The following LRP1B variants were observed in gnomAD, a reference collection of about 807,000 sequenced individuals.
LRP1B encodes the protein low-density lipoprotein receptor-related protein 1B.
Under a neutral mutation model 556.6 loss-of-function variants are expected in LRP1B, and 217 were observed. The observed-to-expected ratio is 0.39, with a 90% CI of 0.35 to 0.44. The LOEUF (loss-of-function observed/expected upper bound fraction) is 0.44. Ranked by LOEUF, LRP1B falls within the 20% of genes least tolerant of loss-of-function variation. LRP1B has a pLI of 1.00. For synonymous variants in LRP1B, 2,047 were observed against 1,865.8 expected (o/e 1.10, Z -2.50); for missense variants, 5,053 against 5,620.8 (o/e 0.90, Z 3.23).
chr2:140,257,673 A>G (rs1460470229), intron 86 of LRP1B, among the ~76,000 whole-genome samples: 2 of 152,278 alleles, frequency 1.3e-5, no homozygotes, highest in Non-Finnish European at 2.9e-5. Flanking sequence ...TTTTTCTCGG[A>G]CTTTACTGCT....
At chr2:140,858,698 T>C (rs543958815) in intron 27 of LRP1B, among the ~76,000 whole-genome samples, 1 of 152,186 alleles carries the variant, frequency 6.6e-6, no homozygotes, top group Non-Finnish European at 1.5e-5. Context: ...TTAAACCTAG[T>C]ATCCATTAGC....
intron 15 of LRP1B, among the ~76,000 whole-genome samples, chr2:141,004,683 A>T (rs996376529): frequency 6.6e-6 from 1 of 152,064 alleles, no homozygotes; most frequent in African/African-American, 2.4e-5. Flanking sequence ...ACAATTCAAG[A>T]TTAAACCTTT....
chr2:140,923,352 G>C (rs1390669628), intron 20 of LRP1B, among the ~76,000 whole-genome samples: 2 of 151,862 alleles, frequency 1.3e-5, no homozygotes, highest in African/African-American at 4.8e-5. Flanking sequence ...AACATTAATA[G>C]TCCGATAAAA....
chr2:141,517,605 T>C (rs1431177861), intron 2 of LRP1B, among the ~76,000 whole-genome samples: 1 of 152,182 alleles, frequency 6.6e-6, no homozygotes, highest in African/African-American at 2.4e-5. Flanking sequence ...TCTTTAACAT[T>C]AGGCAAAATG....
intron 31 of LRP1B, among the ~76,000 whole-genome samples, chr2:140,821,806 G>A (rs192991690): frequency 9.2e-5 from 14 of 152,090 alleles, no homozygotes; most frequent in Non-Finnish European, 1.5e-4. Context: ...AGGCTGAGGC[G>A]GGTAGATCAC....
At chr2:141,396,586 C>T (rs951276176) in intron 3 of LRP1B, among the ~76,000 whole-genome samples, 18 of 151,816 alleles carry the variant, frequency 1.2e-4, no homozygotes, top group East Asian at 1.9e-4. Flanking sequence ...TATGCCCTGA[C>T]GTTCTGACAC....
At chr2:141,111,721 C>CCT (rs1700755894) in intron 7 of LRP1B, among the ~76,000 whole-genome samples, 2 of 152,104 alleles carry the variant, frequency 1.3e-5, no homozygotes, top group South Asian at 4.2e-4. Context: ...TCTCAAGACC[C>CCT]CTCTCTTTGC....
rs1379167151 is a variant in LRP1B, at chr2:141,823,971, C to T, written c.83-13570G>A. 4.6e-5 allele frequency among the ~76,000 whole-genome samples: 7 copies of T among 151,890 alleles called. 1 individual carries two copies. The East Asian group carries it at 1.4e-3, about 29-fold the overall frequency. The stretch of plus-strand genomic sequence containing the variant: ...TTACAGGTGTGAGCCACTGAGCTGG[C>T]CTGGACTAAATTTAAATTTAAACTT... On this transcript the variant is annotated intron_variant, in intron 1 of 90. Transcript: ENST00000389484.
chr2:140,971,670 T>C (rs1251735648), intron 18 of LRP1B, among the ~76,000 whole-genome samples: 1 of 152,010 alleles, frequency 6.6e-6, no homozygotes, highest in East Asian at 1.9e-4. Flanking sequence ...CTTTCTCTAC[T>C]AACAATACAA....
At chr2:141,950,843 G>T (rs928056433) in intron 1 of LRP1B, among the ~76,000 whole-genome samples, 2 of 152,070 alleles carry the variant, frequency 1.3e-5, no homozygotes, top group South Asian at 4.1e-4. Flanking sequence ...CTAACTTTTG[G>T]TGTTTGTTTA....
At chr2:141,149,985 A>C (rs969632685) in intron 7 of LRP1B, among the ~76,000 whole-genome samples, 1 of 152,080 alleles carries the variant, frequency 6.6e-6, no homozygotes. Context: ...AGGTTTTTTG[A>C]ATAGTTGGAA....
intron 41 of LRP1B, among the ~76,000 whole-genome samples, chr2:140,602,970 G>T (rs548406287): frequency 7.2e-5 from 11 of 151,868 alleles, no homozygotes; most frequent in African/African-American, 2.7e-4. Context: ...AATTTTTACC[G>T]CCTGGCTCCC....
intron 23 of LRP1B, among the ~76,000 whole-genome samples, chr2:140,889,755 C>T (rs998981677): frequency 2.6e-5 from 4 of 152,152 alleles, no homozygotes; most frequent in Non-Finnish European, 5.9e-5. Flanking sequence ...GGAGGAGAAG[C>T]AATTTGACCC....
At chr2:141,120,820 G>A (rs1274680028) in intron 7 of LRP1B, among the ~76,000 whole-genome samples, 1 of 151,896 alleles carries the variant, frequency 6.6e-6, no homozygotes, top group South Asian at 2.1e-4. Flanking sequence ...ACTCCTGATA[G>A]GAATTTGAAA....
rs1301824161 is a variant in LRP1B at position 141,188,478 on chromosome 2, G to A, written c.956C>T (p.Thr319Ile). The change falls in exon 7 of 91, where the codon ACC becomes ATC. Residue 319 changes from threonine (T) to isoleucine (I), a missense_variant. Thr to Ile is a moderately conservative substitution (Grantham distance 89). This residue lies in a region of LRP1B where 3,619 missense variants were observed against 3,931.9 expected (regional missense o/e 0.92). Coordinates refer to ENST00000389484, the MANE Select transcript of LRP1B (RefSeq NM_018557.3). ...ATTGTGAAGCTCCAGATCAATCAGG[G>A]TGACACATACAGAACCGTTGGAATT... ...VCNSNGSVCV[T>I]LIDLELHNPK... 1 of 1,612,666 alleles carries A rather than the reference G, an allele frequency of 6.2e-7. No individual in the cohort carries two copies. The highest frequency in any genetic ancestry group is 8.5e-7 in the Non-Finnish European group (1 of 1,179,182).
chr2:141,816,344 C>T (rs1975286), intron 1 of LRP1B, among the ~76,000 whole-genome samples: 85,100 of 151,886 alleles, frequency 0.56, 24,917 homozygotes, highest in African/African-American at 0.74. Context: ...CTGCTGTCAG[C>T]GTGGCTAGAA....
rs144688014 is a variant in LRP1B at position 140,526,334 on chromosome 2, C to A, written c.7779G>T (p.Thr2593=). 36 of 1,610,934 alleles carry A rather than the reference C, an allele frequency of 2.2e-5. No homozygotes were observed. Among genetic ancestry groups the A allele is most frequent in the Non-Finnish European group, 3.1e-5 (36 of 1,177,832 alleles). The change falls in exon 48 of 91, where the codon ACG becomes ACT. Residue 2593 remains threonine, a synonymous_variant. Coordinates refer to ENST00000389484, the MANE Select transcript of LRP1B (RefSeq NM_018557.3). ...TCCCATCTGCACAGCGGAACTCAAC[C>A]GTGGCACAGGTTGAAACTAGAAAAA... The part of the protein sequence containing the change: ...ELDCKVSTCA[T]VEFRCADGTC...
chr2:141,530,810 A>G (rs1684847296), intron 2 of LRP1B, among the ~76,000 whole-genome samples: 1 of 152,022 alleles, frequency 6.6e-6, no homozygotes, highest in Non-Finnish European at 1.5e-5. Flanking sequence ...TACAATGTCA[A>G]TAAGACCAAA....
chr2:141,762,879 C>T (rs899495171), intron 2 of LRP1B, among the ~76,000 whole-genome samples: 4 of 152,214 alleles, frequency 2.6e-5, no homozygotes, highest in Non-Finnish European at 4.4e-5. Context: ...GTTACCAGGT[C>T]ACATCCCAAT....
Sources: allele counts gnomAD v4.1 joint callset (sites outside exome capture counted in the v4.1 genomes callset), GRCh38; gene constraint gnomAD v4.1.1; regional missense constraint gnomAD v4.1.1; transcripts MANE v1.5; gene names NCBI Gene and HGNC (gene_info 2026-07-23, HGNC 2026-07-21).